Variants in CEP350 observed in about 807,000 individuals in gnomAD.
The protein encoded by CEP350 is centrosomal protein 350, also known as centrosome-associated protein 350.
Under a neutral mutation model 331.8 loss-of-function variants are expected in CEP350, and 126 were observed. That is an observed-to-expected ratio of 0.38 (90% CI 0.33 to 0.44). The LOEUF (loss-of-function observed/expected upper bound fraction) is 0.44. Among genes scored for constraint, CEP350 ranks in the 20% least tolerant of loss-of-function variants. The pLI is 1.00. For synonymous variants in CEP350, 1,200 were observed against 1,259.5 expected, an observed-to-expected ratio of 0.95 and a Z score of 1.00; for missense variants, 3,406 against 3,634.6, an observed-to-expected ratio of 0.94 and a Z score of 1.62.
intron 35 of CEP350, 39 bp downstream of exon 35, chr1:180,095,969 T>C: frequency 6.4e-7 from 1 of 1,571,528 alleles, no homozygotes; most frequent in African/African-American, 1.4e-5. Context: ...TTTTAAACTT[T>C]TCTCCCATTG....
intron 32 of CEP350, 127 bp downstream of exon 32, chr1:180,087,844 A>G (rs1345268226): frequency 9.8e-7 from 1 of 1,025,640 alleles, no homozygotes; most frequent in East Asian, 3.2e-5. Context: ...TTCTATTTTT[A>G]GTGTCAGTAA....
At chr1:179,959,272 C>A (rs1440897733) in intron 1 of CEP350, among the ~76,000 whole-genome samples, 2 of 152,166 alleles carry the variant, frequency 1.3e-5, no homozygotes, top group East Asian at 3.8e-4. Flanking sequence ...GCCTGGCCAA[C>A]AAGGCGAAAC....
chr1:179,973,966 G>A (rs1467928914), intron 1 of CEP350, among the ~76,000 whole-genome samples: 1 of 151,442 alleles, frequency 6.6e-6, no homozygotes. Context: ...TAACGCTTCT[G>A]TTGACCCATC....
intron 34 of CEP350, 57 bp downstream of exon 34, chr1:180,094,673 A>C (rs1660378389): frequency 6.5e-7 from 1 of 1,536,440 alleles, no homozygotes; most frequent in East Asian, 2.3e-5. Context: ...TTAACAAGGC[A>C]ACTTACCTTG....
intron 1 of CEP350, chr1:179,968,611 A>G: frequency 2.8e-6 from 1 of 358,040 alleles, no homozygotes. Context: ...CGCTACCCAG[A>G]GAGGGGTGCA....
At chr1:180,099,629 T>G (rs1660676649) in intron 37 of CEP350, among the ~76,000 whole-genome samples, 1 of 152,148 alleles carries the variant, frequency 6.6e-6, no homozygotes, top group Admixed American at 6.5e-5. Flanking sequence ...TTTATCTATA[T>G]TGACATTTAT....
chr1:180,056,496 G>T (rs562610333), intron 25 of CEP350, among the ~76,000 whole-genome samples: 5 of 111,714 alleles, frequency 4.5e-5, no homozygotes, highest in African/African-American at 1.8e-4. Flanking sequence ...TTGAGACAGG[G>T]TCCCACTCTG....
chr1:179,961,522 C>A (rs1259573743), intron 1 of CEP350, among the ~76,000 whole-genome samples: 1 of 151,992 alleles, frequency 6.6e-6, no homozygotes, highest in Non-Finnish European at 1.5e-5. Flanking sequence ...CTATTTAGTT[C>A]CATTAAAAAA....
chr1:180,000,314 A>G (rs951900860), intron 6 of CEP350: 2 of 151,352 alleles, frequency 1.3e-5, no homozygotes, highest in Admixed American at 1.3e-4. Flanking sequence ...AGACAGAAAT[A>G]CGTTTGCATA....
intron 1 of CEP350, among the ~76,000 whole-genome samples, chr1:179,964,948 G>C (rs1049179051): frequency 8.6e-5 from 13 of 151,122 alleles, no homozygotes; most frequent in Admixed American, 4.0e-4. Flanking sequence ...TGCTAGCTTT[G>C]GGTTTAGTTT....
chr1:179,965,615 CTT>C (rs747027286), intron 1 of CEP350, among the ~76,000 whole-genome samples: 7,761 of 84,172 alleles, frequency 0.092, 148 homozygotes, highest in South Asian at 0.15. Flanking sequence ...TTTTTCTTTT[CTT>C]TTTTTTTTTT....
At chr1:180,106,773 C>T (rs1278349274) in intron 37 of CEP350, among the ~76,000 whole-genome samples, 1 of 151,332 alleles carries the variant, frequency 6.6e-6, no homozygotes, top group Admixed American at 6.6e-5. Context: ...CTATTTTTTT[C>T]TAGATAGTAC....
At position 180,093,031 on chromosome 1, in the gene CEP350, A is replaced by T; in HGVS notation, c.6926A>T (p.Asn2309Ile). The change falls in exon 34 of 38, where the codon AAT becomes ATT. Residue 2309 changes from asparagine (N) to isoleucine (I), a missense_variant. Around this residue, in one of 5 missense-constraint regions of CEP350, gnomAD observed 1,415 missense variants for 1,512.3 expected, o/e 0.94. Coordinates refer to ENST00000367607, the MANE Select transcript of CEP350 (RefSeq NM_014810.5). ...SKKDLPLDSE[N>I]VQKDLVGLAI... is the part of the protein sequence containing the mutation. ...AAAGATCTTCCTTTAGATTCTGAAA[A>T]TGTTCAGAAAGACCTAGTTGGATTA... 2 of 1,605,692 alleles carry T rather than the reference A, an allele frequency of 1.2e-6. No individual in the cohort carries two copies. The highest frequency in any genetic ancestry group is 1.7e-6 in the Non-Finnish European group (2 of 1,175,406).
At chr1:180,049,069 A>G (rs1282939171) in intron 22 of CEP350, among the ~76,000 whole-genome samples, 1 of 151,924 alleles carries the variant, frequency 6.6e-6, no homozygotes, top group Non-Finnish European at 1.5e-5. Flanking sequence ...ACCTGTCTCA[A>G]AAAAAAATAA....
At chr1:180,036,300 T>C (rs1034174864) in intron 16 of CEP350, among the ~76,000 whole-genome samples, 1 of 152,250 alleles carries the variant, frequency 6.6e-6, no homozygotes, top group East Asian at 1.9e-4. Flanking sequence ...ACATAAACTT[T>C]AATTGATAAA....
At chr1:179,976,838 C>T (rs1297444954) in intron 1 of CEP350, among the ~76,000 whole-genome samples, 4 of 151,876 alleles carry the variant, frequency 2.6e-5, no homozygotes, top group South Asian at 2.1e-4. Flanking sequence ...ATTTTTCCCC[C>T]GTAAGGAAAC....
Position 180,094,146 on chromosome 1 carries a change from G to C in CEP350, c.8041G>C (p.Ala2681Pro). 6.2e-7 allele frequency: 1 copy of C among 1,613,618 alleles called. No individual in the cohort carries two copies. Among genetic ancestry groups the C allele is most frequent in the Non-Finnish European group, 8.5e-7 (1 of 1,179,696 alleles). ...SDATEKVSIA[A>P]EDDTLDNTFS... ...TGCCACAGAAAAGGTTTCCATCGCT[G>C]CAGAAGATGACACTTTAGACAATAC... Residue 2681 changes from alanine (A) to proline (P), a missense_variant, in exon 34 of 38, where the codon GCA (alanine) becomes CCA (proline). Ala to Pro is a conservative substitution (Grantham distance 27). Around this residue, in one of 5 missense-constraint regions of CEP350, gnomAD observed 1,415 missense variants for 1,512.3 expected, o/e 0.94. Transcript: ENST00000367607.
At chr1:180,062,150 T>C in intron 25 of CEP350, 70 bp from the exon 26 acceptor site, 1 of 1,336,962 alleles carries the variant, frequency 7.5e-7, no homozygotes, top group South Asian at 2.2e-5. Context: ...GTGCTGATTT[T>C]TTTTTTAAAT....
intron 6 of CEP350, among the ~76,000 whole-genome samples, chr1:179,998,556 T>G (rs1224775743): frequency 6.6e-6 from 1 of 152,090 alleles, no homozygotes; most frequent in African/African-American, 2.4e-5. Context: ...TCTGCTTGCC[T>G]CAGCCTCCCA....
Sources: allele counts gnomAD v4.1 joint callset (sites outside exome capture counted in the v4.1 genomes callset), GRCh38; gene constraint gnomAD v4.1.1; regional missense constraint gnomAD v4.1.1; transcripts MANE v1.5; gene names NCBI Gene and HGNC (gene_info 2026-07-23, HGNC 2026-07-21).